ARHGEF28: variants seen among roughly 807,000 people sequenced by gnomAD.
ARHGEF28 encodes the protein Rho guanine nucleotide exchange factor 28.
A neutral mutation model predicts 206.6 loss-of-function variants in ARHGEF28; 152 were observed. The ratio of observed to expected loss-of-function variants is 0.74; its 90% CI spans 0.64 to 0.84. ARHGEF28 has a LOEUF of 0.84. Ranked by LOEUF, ARHGEF28 falls within the 40% of genes least tolerant of loss-of-function variation. The pLI is 0.00. For synonymous variants in ARHGEF28, 763 were observed against 776.4 expected (o/e 0.98, Z 0.29); for missense variants, 2,028 against 2,073.2 (o/e 0.98, Z 0.42).
At chr5:73,878,143 T>C (rs1327089997) in intron 22 of ARHGEF28, among the ~76,000 whole-genome samples, 1 of 151,964 alleles carries the variant, frequency 6.6e-6, no homozygotes, top group Non-Finnish European at 1.5e-5. Context: ...GATAGTTAGC[T>C]CTTCTTGTTG....
At chr5:73,704,883 A>AT (rs1189614692) in intron 2 of ARHGEF28, among the ~76,000 whole-genome samples, 3 of 152,330 alleles carry the variant, frequency 2.0e-5, no homozygotes, top group African/African-American at 7.2e-5. Flanking sequence ...CAGAAGTCCC[A>AT]TAATAGTCAG....
intron 1 of ARHGEF28, among the ~76,000 whole-genome samples, chr5:73,643,634 G>T (rs1050969379): frequency 1.3e-5 from 2 of 151,976 alleles, no homozygotes; most frequent in Non-Finnish European, 2.9e-5. Flanking sequence ...GGGCAACATG[G>T]CAAAACTCCA....
intron 1 of ARHGEF28, among the ~76,000 whole-genome samples, chr5:73,632,539 C>T (rs1203489538): frequency 6.6e-6 from 1 of 152,156 alleles, no homozygotes; most frequent in Non-Finnish European, 1.5e-5. Flanking sequence ...TCTCCCTTAT[C>T]CTAAGTTTGT....
At position 73,783,345 on chromosome 5, in the gene ARHGEF28, A is replaced by AGTGTGTGTGTGAGTGTGT. The variant is rs1753953947; in HGVS notation, c.910+2611_910+2612insAGTGTGTGTGTGTGTGTG. On this transcript the variant is annotated intron_variant, in intron 7 of 35. Coordinates refer to ENST00000513042, the MANE Select transcript of ARHGEF28 (RefSeq NM_001177693.2). The stretch of plus-strand genomic sequence containing the variant: ...AGCTCATTTTGAAGCCCTGGAATAT[A>AGTGTGTGTGTGAGTGTGT]GTGTGTGTGTGTGTGTGTGTGTGTG... Among the ~76,000 whole-genome samples the AGTGTGTGTGTGAGTGTGT allele has an allele frequency of 2.1e-5, 3 of 145,812 alleles. No homozygotes were observed. In the South Asian group the frequency reaches 6.7e-4, roughly 32 times the overall value.
At chr5:73,930,733 A>G (rs369429055) in intron 35 of ARHGEF28, among the ~76,000 whole-genome samples, 1 of 152,110 alleles carries the variant, frequency 6.6e-6, no homozygotes, top group Non-Finnish European at 1.5e-5. Context: ...ACTCCTTGCT[A>G]TGTTTTCCTC....
chr5:73,932,001 C>G (rs1764151452), intron 35 of ARHGEF28, among the ~76,000 whole-genome samples: 2 of 152,240 alleles, frequency 1.3e-5, no homozygotes, highest in Middle Eastern at 6.8e-3. Context: ...CTTGAAATAC[C>G]TTAAAAACAA....
intron 35 of ARHGEF28, among the ~76,000 whole-genome samples, chr5:73,928,008 A>T (rs963559035): frequency 6.6e-6 from 1 of 152,202 alleles, no homozygotes; most frequent in African/African-American, 2.4e-5. Context: ...TAAAAAAATA[A>T]TGTTTTTCAT....
At chr5:73,726,992 A>G (rs940461841) in intron 2 of ARHGEF28, among the ~76,000 whole-genome samples, 2 of 152,206 alleles carry the variant, frequency 1.3e-5, no homozygotes, top group Non-Finnish European at 2.9e-5. Context: ...AATGGTTTTT[A>G]TAACTGTTCT....
chr5:73,859,738 G>A (rs753872823), intron 16 of ARHGEF28, among the ~76,000 whole-genome samples: 1 of 152,090 alleles, frequency 6.6e-6, no homozygotes, highest in African/African-American at 2.4e-5. Flanking sequence ...CAGTTCATTC[G>A]TGTGATGGGC....
intron 16 of ARHGEF28, among the ~76,000 whole-genome samples, chr5:73,860,932 T>A (rs1389075679): frequency 6.6e-6 from 1 of 152,212 alleles, no homozygotes; most frequent in African/African-American, 2.4e-5. Flanking sequence ...TTCCTGCCTC[T>A]GCTATTTTGC....
intron 2 of ARHGEF28, among the ~76,000 whole-genome samples, chr5:73,703,314 T>C (rs1005699926): frequency 6.6e-5 from 10 of 152,278 alleles, no homozygotes; most frequent in African/African-American, 2.4e-4. Flanking sequence ...TGATTCTCAA[T>C]GTATTGATTC....
chr5:73,938,977 T>C (rs1257470885), intron 35 of ARHGEF28, among the ~76,000 whole-genome samples: 1 of 151,212 alleles, frequency 6.6e-6, no homozygotes, highest in Non-Finnish European at 1.5e-5. Context: ...TTTTGGCAAG[T>C]GACTCTTCAA....
chr5:73,915,632 A>C (rs558686630), intron 35 of ARHGEF28, among the ~76,000 whole-genome samples: 17 of 152,350 alleles, frequency 1.1e-4, no homozygotes, highest in African/African-American at 3.8e-4. Context: ...TCTGAAAGGC[A>C]AAAACAAAGA....
At chr5:73,630,427 T>C (rs977888263) in intron 1 of ARHGEF28, among the ~76,000 whole-genome samples, 2 of 152,212 alleles carry the variant, frequency 1.3e-5, no homozygotes, top group Non-Finnish European at 1.5e-5. Context: ...AAAATGCGGA[T>C]AATAATAGTA....
chr5:73,909,338 A>G, intron 33 of ARHGEF28, 74 bp from the exon 34 acceptor site: 1 of 1,509,426 alleles, frequency 6.6e-7, no homozygotes, highest in Non-Finnish European at 8.9e-7. Flanking sequence ...GTTTCGAGGT[A>G]GTTCCAACCG....
intron 30 of ARHGEF28, chr5:73,900,131 TTTA>T (rs1358942921): frequency 1.3e-5 from 2 of 152,228 alleles, no homozygotes; most frequent in Non-Finnish European, 2.9e-5. Context: ...GCCGTTTCCG[TTTA>T]GACAAAAACT....
At position 73,741,694 on chromosome 5, in the gene ARHGEF28, C is replaced by G. The variant is rs144630400; in HGVS notation, c.34-8143C>G. Among the ~76,000 whole-genome samples the G allele has an allele frequency of 9.7e-3, 1,476 of 151,980 alleles. 29 individuals carry two copies. Among genetic ancestry groups the G allele is most frequent in the African/African-American group, 0.033 (1,384 of 41,448 alleles). On this transcript the variant is annotated intron_variant, in intron 2 of 35. Coordinates refer to ENST00000513042, the MANE Select transcript of ARHGEF28 (RefSeq NM_001177693.2). ...TCAACCTTCCAAAATGCTGGGATTA[C>G]AGGCATGAGCCACTGCACCTGGCCT...
intron 1 of ARHGEF28, among the ~76,000 whole-genome samples, chr5:73,637,216 C>T (rs1743774269): frequency 6.6e-6 from 1 of 152,066 alleles, no homozygotes. Flanking sequence ...AAATGTATGG[C>T]CTTTTTGATA....
intron 1 of ARHGEF28, among the ~76,000 whole-genome samples, chr5:73,677,578 A>C (rs950562805): frequency 4.6e-5 from 7 of 152,222 alleles, no homozygotes; most frequent in Non-Finnish European, 1.0e-4. Context: ...TTCCTCTTTT[A>C]TTAAAAACAT....
Sources: allele counts gnomAD v4.1 joint callset (sites outside exome capture counted in the v4.1 genomes callset), GRCh38; gene constraint gnomAD v4.1.1; transcripts MANE v1.5; gene names NCBI Gene and HGNC (gene_info 2026-07-23, HGNC 2026-07-21).